The following GGT1 variants were observed in gnomAD, a reference collection of about 807,000 sequenced individuals.
GGT1 encodes the protein gamma-glutamyltransferase 1, also known as glutathione hydrolase 1 proenzyme.
Under a neutral mutation model 56.0 loss-of-function variants are expected in GGT1, and 21 were observed. The observed-to-expected ratio is 0.38, with a 90% CI of 0.27 to 0.54. GGT1 has a LOEUF of 0.54. Among genes scored for constraint, GGT1 ranks in the 20% least tolerant of loss-of-function variants. The probability of loss-of-function intolerance (pLI) is 0.82; values close to 1 mark genes in which losing one functional copy is unlikely to be tolerated. For synonymous variants in GGT1, 238 were observed against 342.6 expected, an observed-to-expected ratio of 0.69 and a Z score of 3.37; for missense variants, 466 against 787.0, an observed-to-expected ratio of 0.59 and a Z score of 4.88.
chr22:24,622,157 A>T (rs2047456566), intron 9 of GGT1, among the ~76,000 whole-genome samples: 1 of 145,698 alleles, frequency 6.9e-6, no homozygotes, highest in African/African-American at 2.5e-5. Flanking sequence ...GTCCAAGACA[A>T]GCCTGGGCAA....
upstream of GGT1, chr22:24,592,233 C>T: frequency 2.2e-6 from 1 of 456,158 alleles, no homozygotes; most frequent in Middle Eastern, 6.9e-4. Context: ...TGTGTAGGAG[C>T]AGAGCCACCA....
chr22:24,611,593 TCTATCTA>T (rs1307928757), intron 5 of GGT1, among the ~76,000 whole-genome samples: 18 of 142,570 alleles, frequency 1.3e-4, no homozygotes, highest in Non-Finnish European at 2.2e-4. Flanking sequence ...TATCTATCTA[TCTATCTA>T]CTATCTATCT....
upstream of GGT1, among the ~76,000 whole-genome samples, chr22:24,598,597 A>G (rs1368251675): frequency 2.6e-5 from 4 of 152,180 alleles, no homozygotes; most frequent in Non-Finnish European, 5.9e-5. Flanking sequence ...GTTGTTGCCC[A>G]GGCTGGAGTA....
chr22:24,615,664 G>A (rs1344446127), intron 7 of GGT1, among the ~76,000 whole-genome samples: 1 of 152,170 alleles, frequency 6.6e-6, no homozygotes, highest in Non-Finnish European at 1.5e-5. Flanking sequence ...TGGGGATGGT[G>A]CTCTAGAATG....
chr22:24,616,371 G>A (rs2047066755), intron 7 of GGT1, among the ~76,000 whole-genome samples: 1 of 150,162 alleles, frequency 6.7e-6, no homozygotes, highest in South Asian at 2.1e-4. Flanking sequence ...CCGAGATCAT[G>A]CCACTGCACT....
chr22:24,621,424 G>A (rs1448436731), intron 9 of GGT1, among the ~76,000 whole-genome samples: 1 of 151,964 alleles, frequency 6.6e-6, no homozygotes, highest in Non-Finnish European at 1.5e-5. Flanking sequence ...CCTAGCAGAG[G>A]AACAGCTGGG....
chr22:24,612,994 AC>A (rs2046817281), intron 5 of GGT1, among the ~76,000 whole-genome samples: 1 of 152,138 alleles, frequency 6.6e-6, no homozygotes, highest in African/African-American at 2.4e-5. Context: ...CCTGGCTTCT[AC>A]TGTTTTATTC....
chr22:24,610,703 A>G (rs4049889), intron 4 of GGT1, among the ~76,000 whole-genome samples, 172 bp downstream of exon 4: 42,268 of 117,156 alleles, frequency 0.36, 8,618 homozygotes, highest in African/African-American at 0.52. Flanking sequence ...GCCCATCCCT[A>G]CTGGAGCTTC....
chr22:24,616,058 G>C (rs536938663), intron 7 of GGT1: 1 of 151,426 alleles, frequency 6.6e-6, no homozygotes, highest in Admixed American at 6.6e-5. Context: ...AGGCTGCAGT[G>C]AGCCATGATT....
intron 1 of GGT1, among the ~76,000 whole-genome samples, chr22:24,596,638 G>A (rs920098727): frequency 2.6e-5 from 4 of 151,190 alleles, no homozygotes; most frequent in South Asian, 4.2e-4. Flanking sequence ...GGTGGCTCAC[G>A]CCTGTAATCC....
chr22:24,591,893 T>C (rs1167879327), upstream of GGT1, among the ~76,000 whole-genome samples: 1 of 152,142 alleles, frequency 6.6e-6, no homozygotes, highest in Non-Finnish European at 1.5e-5. Context: ...GACAGCTCCA[T>C]TTTTCCAGCC....
intron 11 of GGT1, among the ~76,000 whole-genome samples, chr22:24,625,950 C>T (rs2047728705): frequency 6.7e-6 from 1 of 148,698 alleles, no homozygotes; most frequent in African/African-American, 2.6e-5. Context: ...GATTGGTCAA[C>T]TAATCCGTGG....
chr22:24,612,220 G>A (rs9680612), intron 5 of GGT1, among the ~76,000 whole-genome samples: 2 of 146,882 alleles, frequency 1.4e-5, no homozygotes, highest in Admixed American at 6.8e-5. Context: ...GATTACAGGT[G>A]TGAGCCACCA....
chr22:24,605,758 ATATAATAT>A (rs1406690714), intron 1 of GGT1, among the ~76,000 whole-genome samples: 1 of 70,744 alleles, frequency 1.4e-5, no homozygotes, highest in African/African-American at 8.6e-5. Flanking sequence ...ATTATATATT[ATATAATAT>A]TATATAATGT....
At chr22:24,588,646 C>T in the GGT1 span, 10 of 1,134,438 alleles carry the variant, frequency 8.8e-6, no homozygotes, top group Non-Finnish European at 1.1e-5. Flanking sequence ...CAGCCGGCTG[C>T]CTGCCCACCC....
chr22:24,602,501 C>G (rs954381432), upstream of GGT1, among the ~76,000 whole-genome samples: 8 of 152,186 alleles, frequency 5.3e-5, no homozygotes, highest in African/African-American at 1.4e-4. Context: ...GAGGCTTCGG[C>G]CTGCCAGCGC....
chr22:24,615,537 A>G (rs1323339362), intron 7 of GGT1, among the ~76,000 whole-genome samples: 1 of 152,166 alleles, frequency 6.6e-6, no homozygotes, highest in Non-Finnish European at 1.5e-5. Context: ...AGGCTCAGAC[A>G]GGTCACGCAA....
the GGT1 span, among the ~76,000 whole-genome samples, chr22:24,587,180 A>G: frequency 6.6e-6 from 1 of 152,174 alleles, no homozygotes; most frequent in African/African-American, 2.4e-5. Context: ...TTCTCCTACA[A>G]AGGGACGGCT....
intron 1 of GGT1, among the ~76,000 whole-genome samples, chr22:24,597,405 G>A (rs1285413318): frequency 2.0e-5 from 3 of 152,176 alleles, no homozygotes; most frequent in Non-Finnish European, 1.5e-5. Context: ...CTGGCGTGGT[G>A]GCTCACACCT....
Sources: allele counts gnomAD v4.1 joint callset (sites outside exome capture counted in the v4.1 genomes callset), GRCh38; gene constraint gnomAD v4.1.1; transcripts MANE v1.5; gene names NCBI Gene and HGNC (gene_info 2026-07-23, HGNC 2026-07-21).